Variants in RSU1 observed in about 807,000 individuals in gnomAD.
The protein encoded by RSU1 is Ras suppressor protein 1, also known as rsu-1.
In RSU1, 26 loss-of-function variants were observed where a neutral mutation model predicts 31.1. The observed-to-expected ratio is 0.84, with a 90% confidence interval of 0.61 to 1.16. RSU1 has a LOEUF of 1.16. Among genes scored for constraint, RSU1 ranks in the 50% most tolerant of loss-of-function variants. RSU1 has a pLI of 0.00. For missense variants in RSU1, 320 were observed against 339.1 expected, an observed-to-expected ratio of 0.94 and a Z score of 0.44; for synonymous variants, 164 against 136.3, an observed-to-expected ratio of 1.20 and a Z score of -1.41.
chr10:16,687,634 G>C (rs1835463323), intron 8 of RSU1, among the ~76,000 whole-genome samples: 1 of 152,134 alleles, frequency 6.6e-6, no homozygotes, highest in Non-Finnish European at 1.5e-5. Flanking sequence ...TCATATTAAA[G>C]AGGGAGGTAT....
rs570199736 is a variant in RSU1, at chr10:16,635,401, G to A, written c.732-41905C>T. Among the ~76,000 whole-genome samples the A allele has an allele frequency of 1.2e-3, 185 of 152,162 alleles. 1 individual carries two copies. Among genetic ancestry groups the A allele is most frequent in the African/African-American group, 4.4e-3 (182 of 41,510 alleles). On this transcript the variant is annotated intron_variant, in intron 8 of 8. Transcript: ENST00000345264. ...TCTCCTCCATCCTCCCTCTCAGCTA[G>A]CTGATAACCCTGCTTCGTATTTCAC...
At chr10:16,734,366 T>G (rs903777927) in intron 7 of RSU1, among the ~76,000 whole-genome samples, 2 of 152,250 alleles carry the variant, frequency 1.3e-5, no homozygotes, top group African/African-American at 4.8e-5. Context: ...CATCTGCATG[T>G]GATTCAGGGG....
intron 2 of RSU1, among the ~76,000 whole-genome samples, chr10:16,805,684 G>C (rs1289746272): frequency 7.5e-6 from 1 of 133,710 alleles, no homozygotes; most frequent in South Asian, 2.3e-4. Context: ...AAAAAAAAAA[G>C]CTTTTTTTTT....
intron 2 of RSU1, among the ~76,000 whole-genome samples, chr10:16,783,364 C>CTTTTTTT (rs57270890): frequency 7.6e-6 from 1 of 132,060 alleles, no homozygotes. Context: ...ACAACTTTTG[C>CTTTTTTT]TTTTTTTTTT....
At chr10:16,673,864 T>C (rs1835169424) in intron 8 of RSU1, among the ~76,000 whole-genome samples, 1 of 152,170 alleles carries the variant, frequency 6.6e-6, no homozygotes, top group Admixed American at 6.5e-5. Context: ...CCGCACATAT[T>C]TTAAGGGCTG....
At chr10:16,654,426 T>C (rs1044725966) in intron 8 of RSU1, among the ~76,000 whole-genome samples, 2 of 149,106 alleles carry the variant, frequency 1.3e-5, no homozygotes, top group Non-Finnish European at 3.0e-5. Flanking sequence ...TCCCAGCACT[T>C]TGGGAGGCTG....
intron 8 of RSU1, among the ~76,000 whole-genome samples, chr10:16,634,914 T>C (rs968896495): frequency 1.3e-5 from 2 of 152,234 alleles, no homozygotes; most frequent in East Asian, 1.9e-4. Flanking sequence ...TCATTTATTA[T>C]AGCTCATTTT....
At chr10:16,793,289 T>C (rs1308577323) in intron 2 of RSU1, among the ~76,000 whole-genome samples, 1 of 152,166 alleles carries the variant, frequency 6.6e-6, no homozygotes, top group Admixed American at 6.5e-5. Context: ...CTACTATTTA[T>C]AGATAAAGGG....
chr10:16,735,507 A>G (rs1167831903), intron 7 of RSU1, among the ~76,000 whole-genome samples: 3 of 152,254 alleles, frequency 2.0e-5, no homozygotes, highest in African/African-American at 7.2e-5. Context: ...GACAAAATGT[A>G]TAATAGAAAT....
chr10:16,612,965 G>T (rs1442167188), intron 8 of RSU1, among the ~76,000 whole-genome samples: 1 of 151,026 alleles, frequency 6.6e-6, no homozygotes, highest in East Asian at 2.0e-4. Context: ...TCAGTTCACA[G>T]TATGGTTCTC....
intron 8 of RSU1, among the ~76,000 whole-genome samples, chr10:16,660,643 C>CT (rs1483500175): frequency 2.1e-5 from 1 of 47,576 alleles, no homozygotes; most frequent in Non-Finnish European, 3.6e-5. Flanking sequence ...TTCTTGAACT[C>CT]TCTTTTTTTT....
intron 7 of RSU1, among the ~76,000 whole-genome samples, chr10:16,731,298 T>C (rs1385668777): frequency 6.6e-6 from 1 of 150,874 alleles, no homozygotes; most frequent in African/African-American, 2.4e-5. Flanking sequence ...GGCGCGGGGG[T>C]GGGCGCCTGT....
intron 8 of RSU1, among the ~76,000 whole-genome samples, chr10:16,691,722 CTTTTTTTT>C (rs58786188): frequency 5.8e-4 from 61 of 106,070 alleles, no homozygotes; most frequent in South Asian, 4.1e-3. Context: ...GCTGCTGCTT[CTTTTTTTT>C]TTTTTTTTTT....
chr10:16,708,655 G>A (rs1265691683), intron 7 of RSU1, among the ~76,000 whole-genome samples: 1 of 152,138 alleles, frequency 6.6e-6, no homozygotes, highest in South Asian at 2.1e-4. Context: ...CATCAAATCT[G>A]TAGATTATTT....
intron 7 of RSU1, among the ~76,000 whole-genome samples, chr10:16,746,283 G>A (rs546791883): frequency 6.6e-6 from 1 of 152,336 alleles, no homozygotes; most frequent in African/African-American, 2.4e-5. Context: ...AGCCCCAGGT[G>A]TATGCAGCGT....
chr10:16,621,835 G>C (rs1430904623), intron 8 of RSU1, among the ~76,000 whole-genome samples: 1 of 152,204 alleles, frequency 6.6e-6, no homozygotes, highest in Non-Finnish European at 1.5e-5. Flanking sequence ...TTCAAGATGA[G>C]ACTTGGGTGG....
chr10:16,622,942 G>C (rs942774453), intron 8 of RSU1, among the ~76,000 whole-genome samples: 1 of 152,060 alleles, frequency 6.6e-6, no homozygotes, highest in African/African-American at 2.4e-5. Flanking sequence ...AATTAGGAGA[G>C]AGCTGCATGT....
At chr10:16,743,594 T>C (rs1261617996) in intron 7 of RSU1, among the ~76,000 whole-genome samples, 1 of 152,212 alleles carries the variant, frequency 6.6e-6, no homozygotes, top group Non-Finnish European at 1.5e-5. Flanking sequence ...CAGTTTACAA[T>C]TCCATAAAGA....
intron 7 of RSU1, among the ~76,000 whole-genome samples, chr10:16,732,218 T>C (rs1836527628): frequency 6.6e-6 from 1 of 152,210 alleles, no homozygotes; most frequent in Non-Finnish European, 1.5e-5. Context: ...ATGTAATATA[T>C]ACCACTGCTT....
Sources: gnomAD v4.1 joint callset for allele counts (sites outside exome capture counted in the v4.1 genomes callset) on GRCh38, gnomAD v4.1.1 for gene constraint, MANE v1.5 for transcripts, NCBI Gene and HGNC (gene_info 2026-07-23, HGNC 2026-07-21) for gene names.